The following ZC3H12B variants were observed in gnomAD, a reference collection of about 807,000 sequenced individuals.
ZC3H12B encodes the protein zinc finger CCCH-type containing 12B, also known as probable ribonuclease ZC3H12B.
A neutral mutation model predicts 43.9 loss-of-function variants in ZC3H12B; 7 were observed. The observed-to-expected ratio is 0.16, with a 90% CI of 0.09 to 0.30. ZC3H12B has a LOEUF of 0.30. Among genes scored for constraint, ZC3H12B ranks in the 10% least tolerant of loss-of-function variants. ZC3H12B has a pLI of 1.00. For missense variants in ZC3H12B, 475 were observed against 670.2 expected, an observed-to-expected ratio of 0.71 and a Z score of 3.22; for synonymous variants, 222 against 241.7, an observed-to-expected ratio of 0.92 and a Z score of 0.76.
At chrX:65,405,213 T>C (rs1196753481) in intron 3 of ZC3H12B, among the ~76,000 whole-genome samples, 1 of 111,768 alleles carries the variant, frequency 8.9e-6, no homozygotes, top group East Asian at 2.7e-4. Context: ...GGGAAGTTTA[T>C]AGCTGTAAGT....
intron 2 of ZC3H12B, among the ~76,000 whole-genome samples, chrX:65,393,142 C>T (rs999621627): frequency 9.0e-6 from 1 of 111,168 alleles, no homozygotes; most frequent in Non-Finnish European, 1.9e-5. Flanking sequence ...CTAGGAAAAC[C>T]AGAGACCTTT....
the ZC3H12B span, among the ~76,000 whole-genome samples, chrX:65,091,177 G>C: frequency 2.3e-4 from 25 of 108,234 alleles, no homozygotes; most frequent in African/African-American, 9.1e-4. Flanking sequence ...TTATAAGAGG[G>C]AGACAGAAGG....
chrX:65,235,062 T>C, the ZC3H12B span, among the ~76,000 whole-genome samples: 4 of 112,225 alleles, frequency 3.6e-5, no homozygotes, highest in African/African-American at 1.3e-4. Flanking sequence ...TTTTGATGTA[T>C]ATGTATTTCA....
chrX:65,250,208 T>C, the ZC3H12B span, among the ~76,000 whole-genome samples: 1 of 111,150 alleles, frequency 9.0e-6, no homozygotes, highest in East Asian at 2.8e-4. Flanking sequence ...GTCCTTGCGA[T>C]AGTTTGCTGA....
chrX:65,356,289 C>T, the ZC3H12B span, among the ~76,000 whole-genome samples: 6 of 111,843 alleles, frequency 5.4e-5, no homozygotes, highest in Admixed American at 9.5e-5. Flanking sequence ...CCTGGCCCCA[C>T]AATATTAATC....
At chrX:65,071,368 G>A in the ZC3H12B span, among the ~76,000 whole-genome samples, 1 of 106,490 alleles carries the variant, frequency 9.4e-6, no homozygotes, top group Non-Finnish European at 1.9e-5. Context: ...TGGAAGATGG[G>A]TCTCTTGAAA....
chrX:65,202,076 CATATAATATATGTAATATATATATTTT>C, the ZC3H12B span, among the ~76,000 whole-genome samples: 2 of 60,987 alleles, frequency 3.3e-5, no homozygotes, highest in South Asian at 1.1e-3. Flanking sequence ...ATATATATTA[CATATAATATATGTAATATATATATTTT>C]ATATAATATA....
the ZC3H12B span, among the ~76,000 whole-genome samples, chrX:65,293,961 C>G: frequency 1.2e-4 from 13 of 111,638 alleles, no homozygotes; most frequent in African/African-American, 4.2e-4. Flanking sequence ...ACTTCCCAGG[C>G]ATAGCTAGAG....
the ZC3H12B span, among the ~76,000 whole-genome samples, chrX:65,281,185 A>G: frequency 2.7e-5 from 3 of 110,589 alleles, no homozygotes; most frequent in South Asian, 1.2e-3. Context: ...AAACCAATGA[A>G]ATAGTATGAA....
At chrX:65,152,872 T>G in the ZC3H12B span, among the ~76,000 whole-genome samples, 1 of 111,842 alleles carries the variant, frequency 8.9e-6, no homozygotes, top group South Asian at 3.7e-4. Context: ...ATGGTACTGG[T>G]ACCAAAACAG....
At chrX:65,269,235 C>A in the ZC3H12B span, among the ~76,000 whole-genome samples, 1 of 109,885 alleles carries the variant, frequency 9.1e-6, no homozygotes, top group African/African-American at 3.3e-5. Context: ...GTCCCAGTGA[C>A]TCAAGAGGCT....
At chrX:65,172,441 C>T in the ZC3H12B span, among the ~76,000 whole-genome samples, 2 of 112,135 alleles carry the variant, frequency 1.8e-5, no homozygotes, top group Non-Finnish European at 3.8e-5. Context: ...AATTAGATCC[C>T]ATTTGTCAAT....
chrX:65,336,410 C>A, the ZC3H12B span, among the ~76,000 whole-genome samples: 1 of 111,894 alleles, frequency 8.9e-6, no homozygotes, highest in Admixed American at 9.4e-5. Flanking sequence ...TGCAAGTTGT[C>A]CCCCAGTGGA....
chrX:65,455,468 G>T (rs1203094819), intron 3 of ZC3H12B, among the ~76,000 whole-genome samples: 1 of 112,172 alleles, frequency 8.9e-6, no homozygotes, highest in African/African-American at 3.2e-5. Context: ...CAGGAAATAT[G>T]AGACTATGTG....
chrX:65,336,726 G>T, the ZC3H12B span, among the ~76,000 whole-genome samples: 1 of 111,863 alleles, frequency 8.9e-6, no homozygotes, highest in African/African-American at 3.2e-5. Context: ...CCAGAGAAAG[G>T]CCCACGTATT....
the ZC3H12B span, among the ~76,000 whole-genome samples, chrX:65,248,065 T>A: frequency 9.0e-6 from 1 of 111,103 alleles, no homozygotes; most frequent in Non-Finnish European, 1.9e-5. Context: ...TTTTTTGTGG[T>A]GGAGTCTCGC....
chrX:65,162,993 C>T, the ZC3H12B span, among the ~76,000 whole-genome samples: 1 of 112,205 alleles, frequency 8.9e-6, no homozygotes, highest in Non-Finnish European at 1.9e-5. Flanking sequence ...ACAGACAAGA[C>T]CTTCAGCTGC....
chrX:65,075,855 G>T, the ZC3H12B span, among the ~76,000 whole-genome samples: 1 of 111,828 alleles, frequency 8.9e-6, no homozygotes, highest in African/African-American at 3.3e-5. Context: ...AAGAAGCCAA[G>T]AATTGGGAGT....
the ZC3H12B span, among the ~76,000 whole-genome samples, chrX:65,150,874 C>A: frequency 9.0e-6 from 1 of 111,213 alleles, no homozygotes; most frequent in Non-Finnish European, 1.9e-5. Context: ...ATAAATCTGG[C>A]TGCAAAGTGG....
Sources: allele counts gnomAD v4.1 joint callset (sites outside exome capture counted in the v4.1 genomes callset), GRCh38; gene constraint gnomAD v4.1.1; transcripts MANE v1.5; gene names NCBI Gene and HGNC (gene_info 2026-07-23, HGNC 2026-07-21).